Variants in DMXL2 observed in about 807,000 individuals in gnomAD.
The protein encoded by DMXL2 is dmX-like protein 2.
In DMXL2, 103 loss-of-function variants were observed where a neutral mutation model predicts 331.1. That is an observed-to-expected ratio of 0.31 (90% CI 0.27 to 0.37). The LOEUF is 0.37. Among genes scored for constraint, DMXL2 ranks in the 10% least tolerant of loss-of-function variants. The pLI is 1.00. For synonymous variants in DMXL2, 1,281 were observed against 1,252.1 expected (o/e 1.02, Z -0.49); for missense variants, 3,171 against 3,642.9 (o/e 0.87, Z 3.33).
intron 40 of DMXL2, 37 bp downstream of exon 40, chr15:51,455,114 G>A: frequency 2.7e-6 from 4 of 1,475,452 alleles, no homozygotes; most frequent in Non-Finnish European, 3.8e-6. Context: ...ACAAAGTGTT[G>A]TGTATATGCG....
In DMXL2 at chr15:51,480,887, G is replaced by C. The variant is rs774981566; in HGVS notation, c.6219C>G (p.Leu2073=). ...EVDGGKLRFQ[L]YNWLEKEIAA... is the part of the protein sequence containing the mutation. Reference sequence around the variant, plus strand: ...CAATTTCCTTTTCAAGCCAGTTATAGAGTTGAAATCTGAGTTTTCCTCCAT... The same window carrying C: ...CAATTTCCTTTTCAAGCCAGTTATACAGTTGAAATCTGAGTTTTCCTCCAT... Residue 2073 remains leucine, a synonymous_variant, in exon 24 of 44, where the codon CTC becomes CTG. Transcript: ENST00000560891. The C allele has an allele frequency of 2.5e-6, 4 of 1,612,948 alleles. No homozygotes were observed. The Admixed American group carries it at 6.7e-5, about 27-fold the overall frequency.
chr15:51,450,503 G>C, intron 42 of DMXL2, 157 bp from the exon 43 acceptor site: 2 of 720,480 alleles, frequency 2.8e-6, no homozygotes, highest in Non-Finnish European at 4.5e-6. Context: ...GTAATCACAT[G>C]ATTAAAGAAA....
intron 14 of DMXL2, among the ~76,000 whole-genome samples, chr15:51,515,146 C>T (rs767002290): frequency 1.3e-5 from 2 of 152,112 alleles, no homozygotes; most frequent in Non-Finnish European, 2.9e-5. Context: ...TAGAACCCCT[C>T]GAAGGATGGA....
At chr15:51,543,136 G>GT (rs1470002273) in intron 8 of DMXL2, among the ~76,000 whole-genome samples, 1 of 152,006 alleles carries the variant, frequency 6.6e-6, no homozygotes, top group Non-Finnish European at 1.5e-5. Context: ...ATTAGCATGC[G>GT]TGATCATGTG....
chr15:51,450,507 A>G, intron 42 of DMXL2, 161 bp from the exon 43 acceptor site: 1 of 708,722 alleles, frequency 1.4e-6, no homozygotes, highest in Non-Finnish European at 2.3e-6. Context: ...TCACATGATT[A>G]AAGAAAAATG....
At chr15:51,521,091 T>G (rs1341851966) in intron 13 of DMXL2, among the ~76,000 whole-genome samples, 1 of 148,592 alleles carries the variant, frequency 6.7e-6, no homozygotes, top group Non-Finnish European at 1.5e-5. Flanking sequence ...AATATTTAAT[T>G]AAGTTAAGAA....
intron 13 of DMXL2, among the ~76,000 whole-genome samples, chr15:51,522,946 C>G (rs2047459756): frequency 6.6e-6 from 1 of 152,202 alleles, no homozygotes; most frequent in Non-Finnish European, 1.5e-5. Context: ...CTCCATGCTT[C>G]CAGTACCTAC....
chr15:51,484,344 A>G (rs1282052406), intron 23 of DMXL2, among the ~76,000 whole-genome samples: 2 of 152,210 alleles, frequency 1.3e-5, no homozygotes, highest in Non-Finnish European at 2.9e-5. Context: ...CATTGTGTGC[A>G]CATATGCACC....
rs184602533 is a variant in DMXL2, at chr15:51,451,750, G to A, written c.8697-53C>T. ...ACATCATAAATGATTGTTATAAGTC[G>A]TCATCAGGGACAACCTGTCTTTCAG... is the stretch of plus-strand genomic sequence containing the variant. On this transcript the variant is annotated intron_variant, in intron 41 of 43. Transcript: ENST00000560891. 6.2e-5 allele frequency: 91 copies of A among 1,466,060 alleles called. 1 individual carries two copies. In the East Asian group the frequency reaches 1.2e-3, roughly 19 times the overall value. 90.8% of individuals were successfully genotyped at this position (1,466,060 alleles called of 1,614,324 possible). A position where few individuals can be genotyped will look rare whatever the true frequency, so the allele number is the denominator to read the frequency against.
intron 36 of DMXL2, chr15:51,458,002 C>G (rs1267132480): frequency 6.4e-6 from 1 of 156,498 alleles, no homozygotes; most frequent in Non-Finnish European, 1.4e-5. Flanking sequence ...TTCTAAGAGT[C>G]TGGAGAAAAG....
chr15:51,453,842 T>A (rs1019433281), intron 40 of DMXL2, among the ~76,000 whole-genome samples: 1 of 152,248 alleles, frequency 6.6e-6, no homozygotes, highest in African/African-American at 2.4e-5. Flanking sequence ...CCAATAATTT[T>A]TAATAACTGG....
chr15:51,538,146 A>C (rs2048386233), intron 10 of DMXL2, 67 bp downstream of exon 10: 3 of 1,533,002 alleles, frequency 2.0e-6, no homozygotes, highest in Non-Finnish European at 2.6e-6. Flanking sequence ...AGAATTCAAA[A>C]CTAAAAGTGG....
At chr15:51,454,950 G>A (rs1446185210) in intron 40 of DMXL2, among the ~76,000 whole-genome samples, 1 of 152,124 alleles carries the variant, frequency 6.6e-6, no homozygotes, top group Non-Finnish European at 1.5e-5. Flanking sequence ...TGTACTTCAA[G>A]GTGAAAAGCA....
chr15:51,460,448 CAAACTGCTGAAG>C, intron 33 of DMXL2: 1 of 802,536 alleles, frequency 1.2e-6, no homozygotes, highest in Non-Finnish European at 1.5e-6. Context: ...CAGTGAAGGC[CAAACTGCTGAAG>C]AATCTATTTG....
At chr15:51,483,476 C>T (rs2042164247) in intron 23 of DMXL2, among the ~76,000 whole-genome samples, 1 of 152,174 alleles carries the variant, frequency 6.6e-6, no homozygotes, top group Admixed American at 6.5e-5. Flanking sequence ...CACTTTTGGT[C>T]AGAGAAACAA....
chr15:51,511,137 A>G (rs983057148), intron 15 of DMXL2, among the ~76,000 whole-genome samples: 10 of 152,182 alleles, frequency 6.6e-5, no homozygotes, highest in African/African-American at 2.4e-4. Flanking sequence ...GCATGGGCAA[A>G]GCCTTCATGA....
chr15:51,508,422 A>C (rs2140565905), intron 15 of DMXL2, among the ~76,000 whole-genome samples: 1 of 152,370 alleles, frequency 6.6e-6, no homozygotes, highest in Admixed American at 6.5e-5. Context: ...TCCTGAAAGA[A>C]AGTAAACTAT....
chr15:51,590,945 A>AG (rs1165549521), intron 1 of DMXL2, among the ~76,000 whole-genome samples: 2 of 152,078 alleles, frequency 1.3e-5, no homozygotes, highest in Admixed American at 6.5e-5. Context: ...ATAGCAGACA[A>AG]GGGGGGTGGA....
intron 12 of DMXL2, 146 bp downstream of exon 12, chr15:51,536,020 G>A: frequency 1.1e-6 from 1 of 889,442 alleles, no homozygotes; most frequent in Non-Finnish European, 1.6e-6. Flanking sequence ...TCTCATGCCT[G>A]TATTCTGAAT....
Sources: allele counts gnomAD v4.1 joint callset (sites outside exome capture counted in the v4.1 genomes callset), GRCh38; gene constraint gnomAD v4.1.1; transcripts MANE v1.5; gene names NCBI Gene and HGNC (gene_info 2026-07-23, HGNC 2026-07-21).